SYN3: variants seen among roughly 807,000 people sequenced by gnomAD.
SYN3 encodes the protein synapsin-3.
A neutral mutation model predicts 65.8 loss-of-function variants in SYN3; 35 were observed. The ratio of observed to expected loss-of-function variants is 0.53; its 90% confidence interval spans 0.41 to 0.70. SYN3 has a LOEUF of 0.70. Ranked by LOEUF, SYN3 falls within the 30% of genes least tolerant of loss-of-function variation. The probability of loss-of-function intolerance (pLI) is 0.00; values close to 1 mark genes in which losing one functional copy is unlikely to be tolerated. For synonymous variants in SYN3, 270 were observed against 292.9 expected (o/e 0.92, Z 0.80); for missense variants, 680 against 749.0 (o/e 0.91, Z 1.08).
At chr22:32,543,549 C>A (rs1046032253) in intron 7 of SYN3, among the ~76,000 whole-genome samples, 2 of 152,170 alleles carry the variant, frequency 1.3e-5, no homozygotes, top group Non-Finnish European at 2.9e-5. Context: ...TATTTTCCAG[C>A]CCTTTTCAAA....
chr22:32,978,010 T>C (rs1482926072), intron 3 of SYN3, among the ~76,000 whole-genome samples: 1 of 152,206 alleles, frequency 6.6e-6, no homozygotes, highest in Admixed American at 6.5e-5. Flanking sequence ...CCAGGTTACC[T>C]GATTTAAATC....
rs1302819220 is a variant in SYN3, at chr22:32,510,978, T to C, written c.*2714A>G. Among the ~76,000 whole-genome samples the C allele has an allele frequency of 6.8e-6, 1 of 147,130 alleles. No individual in the cohort carries two copies. The highest frequency in any genetic ancestry group is 1.5e-5 in the Non-Finnish European group (1 of 67,484). On this transcript the variant is annotated 3_prime_UTR_variant, in exon 14 of 14. Transcript: ENST00000358763. ...TGCATTTGTCAATTCCAAGTTATTG[T>C]CCAGGCGTGTGTGTGTGTGTGTGTG...
intron 6 of SYN3, among the ~76,000 whole-genome samples, chr22:32,690,463 G>A (rs2060647307): frequency 6.6e-6 from 1 of 152,294 alleles, no homozygotes; most frequent in African/African-American, 2.4e-5. Flanking sequence ...TCACCACTGT[G>A]AGCCTGGATT....
intron 6 of SYN3, among the ~76,000 whole-genome samples, chr22:32,634,214 C>G (rs965070557): frequency 1.2e-4 from 18 of 152,096 alleles, no homozygotes; most frequent in African/African-American, 4.3e-4. Context: ...ACTGGAGGCA[C>G]AGAGAGGTTT....
At chr22:32,975,044 G>A (rs1037996241) in intron 3 of SYN3, among the ~76,000 whole-genome samples, 1 of 152,130 alleles carries the variant, frequency 6.6e-6, no homozygotes, top group African/African-American at 2.4e-5. Flanking sequence ...CAACTCAAAT[G>A]TTAGGTCTTT....
chr22:32,652,392 TGG>T lies in SYN3; in HGVS notation c.712-55658_712-55657del, dbSNP rs1422409768. Among the ~76,000 whole-genome samples, 4 of 149,154 alleles carry T rather than the reference TGG, an allele frequency of 2.7e-5. No individual in the cohort carries two copies. In the Admixed American group the frequency reaches 2.7e-4, roughly 10 times the overall value. ...TCTGCGATGCAAGTTTTTTTTTTTT[TGG>T]AAAAAAAAAAGTTTTCTTTTTTGGA... On this transcript the variant is annotated intron_variant, in intron 6 of 13. Transcript: ENST00000358763.
At chr22:32,875,048 G>T (rs191631955) in intron 4 of SYN3, among the ~76,000 whole-genome samples, 1 of 152,194 alleles carries the variant, frequency 6.6e-6, no homozygotes, top group African/African-American at 2.4e-5. Context: ...GGTTTGAATC[G>T]CCCATATGGA....
At chr22:32,875,223 C>T (rs943578793) in intron 4 of SYN3, among the ~76,000 whole-genome samples, 6 of 152,192 alleles carry the variant, frequency 3.9e-5, no homozygotes, top group Non-Finnish European at 8.8e-5. Flanking sequence ...GCCAGATGCA[C>T]ACCGGTGGAG....
chr22:32,510,984 CGT>C lies in SYN3; in HGVS notation c.*2706_*2707del, dbSNP rs111308299. Among the ~76,000 whole-genome samples, 5,108 of 142,596 alleles carry C rather than the reference CGT, an allele frequency of 0.036. 138 individuals are homozygous for C. Among genetic ancestry groups the C allele is most frequent in the African/African-American group, 0.081 (3,167 of 39,338 alleles). The allele number at this position is 142,596 out of a possible 152,430, so 93.5% of individuals were successfully genotyped here. A position where few individuals can be genotyped will look rare whatever the true frequency, so the allele number is the denominator to read the frequency against. ...TGTCAATTCCAAGTTATTGTCCAGG[CGT>C]GTGTGTGTGTGTGTGTGTGTGTGTG... is the stretch of plus-strand genomic sequence containing the variant. On this transcript the variant is annotated 3_prime_UTR_variant, in exon 14 of 14. Transcript: ENST00000358763.
At chr22:32,887,482 C>T (rs2049325499) in intron 4 of SYN3, among the ~76,000 whole-genome samples, 1 of 152,184 alleles carries the variant, frequency 6.6e-6, no homozygotes, top group South Asian at 2.1e-4. Flanking sequence ...GTGCCAACAA[C>T]CCAAGCGAGC....
At chr22:32,691,254 T>A (rs1477801789) in intron 6 of SYN3, among the ~76,000 whole-genome samples, 2 of 152,112 alleles carry the variant, frequency 1.3e-5, no homozygotes, top group Non-Finnish European at 2.9e-5. Context: ...GGAAGAAGAC[T>A]ACTGCCAGGA....
Position 33,027,575 on chromosome 22 carries a change from C to T in SYN3, c.-162-20751G>A, listed in dbSNP as rs190554397. Among the ~76,000 whole-genome samples the T allele has an allele frequency of 1.3e-4, 19 of 148,596 alleles. No homozygotes were observed. The East Asian group carries it at 2.2e-3, about 17-fold the overall frequency. ...TTACACCACTGCACTCCAGCCTGGG[C>T]GACAGAGTGAGACTCTGAAAAAAGA... is the stretch of plus-strand genomic sequence containing the variant. On this transcript the variant is annotated intron_variant, in intron 1 of 13. Coordinates refer to ENST00000358763, the MANE Select transcript of SYN3 (RefSeq NM_003490.4).
chr22:32,592,912 GA>G (rs1206183001), intron 7 of SYN3, among the ~76,000 whole-genome samples: 2 of 152,196 alleles, frequency 1.3e-5, no homozygotes, highest in African/African-American at 4.8e-5. Flanking sequence ...ACAAAGGAGT[GA>G]AGTATAATTT....
intron 6 of SYN3, among the ~76,000 whole-genome samples, chr22:32,806,785 C>CATCT (rs130271): frequency 6.6e-6 from 1 of 151,852 alleles, no homozygotes; most frequent in East Asian, 1.9e-4. Flanking sequence ...TATCATTTAT[C>CATCT]ATCTATCTAT....
At chr22:32,546,537 G>T (rs1259805685) in intron 7 of SYN3, among the ~76,000 whole-genome samples, 1 of 152,140 alleles carries the variant, frequency 6.6e-6, no homozygotes, top group East Asian at 1.9e-4. Flanking sequence ...GTGGTCTGGA[G>T]CCTCGGTGGG....
At chr22:32,763,372 T>G (rs1046394334) in intron 6 of SYN3, among the ~76,000 whole-genome samples, 1 of 151,790 alleles carries the variant, frequency 6.6e-6, no homozygotes, top group South Asian at 2.1e-4. Flanking sequence ...AGGATGGTCT[T>G]GATCTCCTGA....
At chr22:32,853,887 A>T (rs1342630102) in intron 6 of SYN3, among the ~76,000 whole-genome samples, 1 of 152,210 alleles carries the variant, frequency 6.6e-6, no homozygotes, top group Non-Finnish European at 1.5e-5. Context: ...GTAACTTTCC[A>T]AGTGGCGAAC....
Position 32,993,664 on chromosome 22 carries a change from T to A in SYN3, c.311+12688A>T, listed in dbSNP as rs575452589. ...CGGCCCAAAGTCTATTTCTTTTTCA[T>A]GCAAAGAACTGTATCCAACACAGAG... On this transcript the variant is annotated intron_variant, in intron 2 of 13. Transcript: ENST00000358763. Among the ~76,000 whole-genome samples, 27 of 152,294 alleles carry A rather than the reference T, an allele frequency of 1.8e-4. No individual in the cohort carries two copies. In the South Asian group the frequency reaches 5.6e-3, roughly 32 times the overall value.
At chr22:32,859,565 G>T in intron 6 of SYN3, 1 of 728,192 alleles carries the variant, frequency 1.4e-6, no homozygotes, top group Non-Finnish European at 2.2e-6. Flanking sequence ...GCCCCACCCT[G>T]CCCCTTCTTT....
Sources: gnomAD v4.1 joint callset for allele counts (sites outside exome capture counted in the v4.1 genomes callset) on GRCh38, gnomAD v4.1.1 for gene constraint, MANE v1.5 for transcripts, NCBI Gene and HGNC (gene_info 2026-07-23, HGNC 2026-07-21) for gene names.